VPS13B: variants seen among roughly 807,000 people sequenced by gnomAD.
The protein encoded by VPS13B is vacuolar protein sorting 13 homolog B, also known as intermembrane lipid transfer protein VPS13B.
A neutral mutation model predicts 426.4 loss-of-function variants in VPS13B; 285 were observed. The observed-to-expected ratio is 0.67, with a 90% CI of 0.61 to 0.74. The LOEUF (loss-of-function observed/expected upper bound fraction) is 0.74, where lower values mean the gene tolerates loss of function less well. Among genes scored for constraint, VPS13B ranks in the 30% least tolerant of loss-of-function variants. The pLI is 0.00. For missense variants in VPS13B, 4,537 were observed against 4,782.6 expected (o/e 0.95, Z 1.51); for synonymous variants, 1,676 against 1,676.4 (o/e 1.00, Z 0.01).
chr8:99,692,158 C>T (rs1245571123), intron 35 of VPS13B, among the ~76,000 whole-genome samples: 267 of 145,360 alleles, frequency 1.8e-3, no homozygotes, highest in Middle Eastern at 0.01. Flanking sequence ...AACAAGGATA[C>T]CCAGGAATTG....
At position 99,817,601 on chromosome 8, in the gene VPS13B, T is replaced by C. The variant is rs369898130; in HGVS notation, c.8159T>C (p.Val2720Ala). Reference protein sequence around the residue: ...SYLSQSIELKVVQHYIGQDGQ... With the variant: ...SYLSQSIELKAVQHYIGQDGQ... ...TTGTCTCAAAGCATAGAACTAAAAG[T>C]CGTTCAGCATTACATTGGTCAAGAT... Residue 2720 changes from valine (V) to alanine (A), a missense_variant, in exon 45 of 62, where the codon GTC becomes GCC. By Grantham distance (64) the Val-to-Ala change is moderately conservative. Transcript: ENST00000357162. 1.6e-5 allele frequency: 26 copies of C among 1,614,006 alleles called. No homozygotes were observed. Among genetic ancestry groups the C allele is most frequent in the Non-Finnish European group, 2.0e-5 (24 of 1,179,970 alleles).
At chr8:99,640,049 G>GAGAAAAGAAGAGAAA (rs1829271535) in intron 33 of VPS13B, among the ~76,000 whole-genome samples, 20 of 99,720 alleles carry the variant, frequency 2.0e-4, no homozygotes, top group African/African-American at 4.2e-4. Flanking sequence ...AGAAGAAGAA[G>GAGAAAAGAAGAGAAA]AGAAAAGAAA....
At chr8:99,522,438 T>G (rs6468690) in intron 30 of VPS13B, among the ~76,000 whole-genome samples, 40,605 of 152,090 alleles carry the variant, frequency 0.27, 6,193 homozygotes, top group East Asian at 0.45. Context: ...ATTTTTACTT[T>G]CTGGGAACAA....
chr8:99,818,663 T>A (rs758662116), intron 46 of VPS13B, 50 bp from the exon 47 acceptor site: 1 of 1,610,386 alleles, frequency 6.2e-7, no homozygotes, highest in South Asian at 1.1e-5. Flanking sequence ...ACAGCTGGAA[T>A]ACTGCAACAA....
chr8:99,062,739 G>A (rs1038608064), intron 3 of VPS13B, among the ~76,000 whole-genome samples: 8 of 152,140 alleles, frequency 5.3e-5, no homozygotes, highest in Non-Finnish European at 1.2e-4. Flanking sequence ...AAAGTGCTGG[G>A]ATTATAGGTG....
intron 3 of VPS13B, among the ~76,000 whole-genome samples, chr8:99,095,501 ATACTCCTTAT>A: frequency 6.6e-6 from 1 of 152,252 alleles, no homozygotes; most frequent in Non-Finnish European, 1.5e-5. Flanking sequence ...GACTCTTTTT[ATACTCCTTAT>A]TACTTAAAAA....
At chr8:99,168,162 C>A (rs1443356789) in intron 15 of VPS13B, among the ~76,000 whole-genome samples, 4 of 152,050 alleles carry the variant, frequency 2.6e-5, no homozygotes, top group African/African-American at 9.7e-5. Flanking sequence ...TAGAAGGTAA[C>A]TTCTTTGTCC....
chr8:99,675,282 G>A (rs1830885688), intron 35 of VPS13B, among the ~76,000 whole-genome samples: 1 of 152,126 alleles, frequency 6.6e-6, no homozygotes, highest in South Asian at 2.1e-4. Flanking sequence ...CCTCTGGCCT[G>A]TAAGATTTAT....
chr8:99,813,663 A>T (rs1410898924), intron 44 of VPS13B, among the ~76,000 whole-genome samples: 1 of 152,232 alleles, frequency 6.6e-6, no homozygotes, highest in African/African-American at 2.4e-5. Context: ...TCTAGGGGAA[A>T]TACAACTGTT....
chr8:99,720,870 G>T lies in VPS13B; in HGVS notation c.6873G>T (p.Leu2291Phe), dbSNP rs1833104235. The change falls in exon 39 of 62, where the codon TTG (leucine) becomes TTT (phenylalanine). Residue 2291 changes from leucine to phenylalanine, a missense_variant. By Grantham distance (22) the Leu-to-Phe change is conservative (BLOSUM62 0). Around this residue, in one of 2 missense-constraint regions of VPS13B, gnomAD observed 4,311 missense variants for 4,474.3 expected, o/e 0.96. Transcript: ENST00000357162. ...LFQYVQDAES[L>F]KLPGVYEVLF... ...TATACTTTTATTTGACAGAATCTTT[G>T]AAATTGCCTGGGGTCTATGAAGTCT... The T allele has an allele frequency of 6.2e-7, 1 of 1,612,754 alleles. No homozygotes were observed. Among genetic ancestry groups the T allele is most frequent in the South Asian group, 1.1e-5 (1 of 90,986 alleles).
Position 99,778,932 on chromosome 8 carries a change from A to C in VPS13B, c.7680A>C (p.Glu2560Asp). The C allele has an allele frequency of 6.2e-7, 1 of 1,613,984 alleles. No homozygotes were observed. The highest frequency in any genetic ancestry group is 8.5e-7 in the Non-Finnish European group (1 of 1,179,906). ...GQMAVSSDVVEKLLDCTVIVD... is the reference protein window; with the variant it reads ...GQMAVSSDVVDKLLDCTVIVD... ...TGGCAGTTTCCAGCGATGTAGTGGAAAAGCTGCTTGACTGCACCGTGATAG... is the reference window on the plus strand; with the variant it reads ...TGGCAGTTTCCAGCGATGTAGTGGACAAGCTGCTTGACTGCACCGTGATAG... Residue 2560 changes from glutamate to aspartate, a missense_variant, in exon 42 of 62, where the codon GAA (glutamate) becomes GAC (aspartate). Glu to Asp is a conservative substitution (Grantham distance 45). Around this residue, in one of 2 missense-constraint regions of VPS13B, gnomAD observed 4,311 missense variants for 4,474.3 expected, o/e 0.96. Transcript: ENST00000357162.
At chr8:99,089,814 A>T (rs866334877) in intron 3 of VPS13B, among the ~76,000 whole-genome samples, 11 of 152,164 alleles carry the variant, frequency 7.2e-5, no homozygotes, top group African/African-American at 2.7e-4. Flanking sequence ...TCTCTACAGA[A>T]TATAGATTTT....
chr8:99,818,467 G>T lies in VPS13B; in HGVS notation c.8378G>T (p.Ser2793Ile). Residue 2793 changes from serine to isoleucine, a missense_variant, in exon 46 of 62, where the codon AGT becomes ATT. Ser to Ile is a moderately radical substitution (Grantham distance 142, BLOSUM62 -2). This residue lies in a region of VPS13B where 4,311 missense variants were observed against 4,474.3 expected (regional missense o/e 0.96). Coordinates refer to ENST00000357162, the MANE Select transcript of VPS13B (RefSeq NM_152564.5). ...SIVIQVPSSNSSIIYVWCTVL... is the reference protein window; with the variant it reads ...SIVIQVPSSNISIIYVWCTVL... ...CATGTGCAGGTGCCATCTTCAAACA[G>T]TTCCATTATTTATGTCTGGTGCACA... The T allele has an allele frequency of 6.2e-7, 1 of 1,613,986 alleles. No individual in the cohort carries two copies. The highest frequency in any genetic ancestry group is 1.1e-5 in the South Asian group (1 of 91,074).
At chr8:99,477,270 G>A (rs1819746298) in intron 24 of VPS13B, among the ~76,000 whole-genome samples, 2 of 152,076 alleles carry the variant, frequency 1.3e-5, no homozygotes, top group Admixed American at 6.6e-5. Context: ...ACCTAAAAAT[G>A]TCTTTTACTG....
At chr8:99,695,692 G>T (rs1407751433) in intron 35 of VPS13B, among the ~76,000 whole-genome samples, 4 of 111,228 alleles carry the variant, frequency 3.6e-5, no homozygotes, top group East Asian at 5.5e-4. Context: ...AAAACTTAAA[G>T]TATAATAAAA....
At chr8:99,478,643 T>G (rs1200444185) in intron 24 of VPS13B, among the ~76,000 whole-genome samples, 3 of 151,538 alleles carry the variant, frequency 2.0e-5, no homozygotes, top group Admixed American at 2.0e-4. Flanking sequence ...CAGACGGCGT[T>G]TCACCATGTT....
intron 4 of VPS13B, among the ~76,000 whole-genome samples, chr8:99,099,531 TAC>T (rs1287506738): frequency 2.6e-5 from 4 of 152,156 alleles, no homozygotes; most frequent in Non-Finnish European, 5.9e-5. Flanking sequence ...ATAAATAAGA[TAC>T]AGTCTTTTTT....
chr8:99,025,052 C>T (rs146841638), intron 2 of VPS13B, among the ~76,000 whole-genome samples: 29 of 151,860 alleles, frequency 1.9e-4, no homozygotes, highest in African/African-American at 6.5e-4. Context: ...TGTAGCTATT[C>T]GAAATGGGAT....
At chr8:99,514,213 T>C (rs1821940600) in intron 29 of VPS13B, among the ~76,000 whole-genome samples, 1 of 152,184 alleles carries the variant, frequency 6.6e-6, no homozygotes, top group Non-Finnish European at 1.5e-5. Context: ...AATGTTTCCT[T>C]CTAAGGCAAA....
Sources: gnomAD v4.1 joint callset for allele counts (sites outside exome capture counted in the v4.1 genomes callset) on GRCh38, gnomAD v4.1.1 for gene constraint, gnomAD v4.1.1 regional missense constraint, MANE v1.5 for transcripts, NCBI Gene and HGNC (gene_info 2026-07-23, HGNC 2026-07-21) for gene names.